KALRN: variants seen among roughly 807,000 people sequenced by gnomAD.
KALRN encodes the protein kalirin RhoGEF kinase.
A neutral mutation model predicts 353.7 loss-of-function variants in KALRN; 70 were observed. That is an observed-to-expected ratio of 0.20 (90% CI 0.16 to 0.24). KALRN has a LOEUF of 0.24. Among genes scored for constraint, KALRN ranks in the 10% least tolerant of loss-of-function variants. KALRN has a pLI of 1.00. For synonymous variants in KALRN, 1,391 were observed against 1,434.8 expected, an observed-to-expected ratio of 0.97 and a Z score of 0.69; for missense variants, 2,791 against 3,756.7, an observed-to-expected ratio of 0.74 and a Z score of 6.72.
chr3:124,716,221 A>G (rs1372280332), intron 58 of KALRN, among the ~76,000 whole-genome samples: 1 of 152,180 alleles, frequency 6.6e-6, no homozygotes, highest in African/African-American at 2.4e-5. Context: ...CAGAAGGCAA[A>G]GGATTCAAAA....
chr3:124,404,649 T>A, intron 13 of KALRN, among the ~76,000 whole-genome samples: 1 of 138,270 alleles, frequency 7.2e-6, no homozygotes. Context: ...TCAAATTTAG[T>A]CTTTTTCTTT....
At chr3:124,522,221 T>C (rs987403594) in intron 33 of KALRN, among the ~76,000 whole-genome samples, 3 of 151,932 alleles carry the variant, frequency 2.0e-5, no homozygotes, top group Non-Finnish European at 4.4e-5. Flanking sequence ...ATATAATTTA[T>C]ATAATACAGA....
chr3:124,109,033 TC>T (rs2062588637), intron 1 of KALRN, among the ~76,000 whole-genome samples: 1 of 152,194 alleles, frequency 6.6e-6, no homozygotes, highest in Non-Finnish European at 1.5e-5. Context: ...CTTCTCCTTC[TC>T]CTGCTTCTCT....
chr3:124,451,224 A>T (rs905732032), intron 21 of KALRN, among the ~76,000 whole-genome samples: 3 of 152,096 alleles, frequency 2.0e-5, no homozygotes, highest in African/African-American at 7.2e-5. Context: ...CACTGATTAG[A>T]GGAAGATCAT....
At chr3:124,545,742 G>T (rs1432490046) in intron 33 of KALRN, among the ~76,000 whole-genome samples, 2 of 152,194 alleles carry the variant, frequency 1.3e-5, no homozygotes, top group Non-Finnish European at 2.9e-5. Context: ...ATTAAGGAAG[G>T]TATGGGATGC....
chr3:124,219,186 A>T (rs2077634327), intron 1 of KALRN, among the ~76,000 whole-genome samples: 1 of 152,352 alleles, frequency 6.6e-6, no homozygotes, highest in South Asian at 2.1e-4. Context: ...CACTAAAGTC[A>T]TTGAGAGAAG....
At chr3:124,371,059 C>G (rs181623798) in intron 10 of KALRN, among the ~76,000 whole-genome samples, 13 of 152,324 alleles carry the variant, frequency 8.5e-5, no homozygotes, top group Middle Eastern at 6.8e-3. Flanking sequence ...TCCACCCAAG[C>G]TTCACCATAA....
At chr3:124,449,802 A>G (rs1307413889) in intron 21 of KALRN, among the ~76,000 whole-genome samples, 2 of 152,202 alleles carry the variant, frequency 1.3e-5, no homozygotes, top group Non-Finnish European at 2.9e-5. Flanking sequence ...ACAATATGAG[A>G]TCTTCTGTGA....
chr3:124,612,765 T>C (rs1258563168), intron 34 of KALRN, among the ~76,000 whole-genome samples: 1 of 152,220 alleles, frequency 6.6e-6, no homozygotes, highest in Non-Finnish European at 1.5e-5. Context: ...ACTTTGTCTG[T>C]CTCCTACACT....
chr3:124,250,694 G>A (rs773873263), intron 3 of KALRN, among the ~76,000 whole-genome samples: 1 of 152,220 alleles, frequency 6.6e-6, no homozygotes, highest in Non-Finnish European at 1.5e-5. Flanking sequence ...AAGAAGGAGA[G>A]GGTAGAGAAG....
intron 25 of KALRN, among the ~76,000 whole-genome samples, chr3:124,474,450 ATAT>A (rs1230724208): frequency 6.6e-6 from 1 of 152,000 alleles, no homozygotes; most frequent in Non-Finnish European, 1.5e-5. Context: ...GAGAGAAAGA[ATAT>A]TATTTTAAGT....
At chr3:124,238,242 A>AAC (rs1403736603) in intron 3 of KALRN, among the ~76,000 whole-genome samples, 1 of 152,152 alleles carries the variant, frequency 6.6e-6, no homozygotes, top group African/African-American at 2.4e-5. Flanking sequence ...GAAGAAAAAA[A>AAC]AACAACAAAA....
intron 9 of KALRN, among the ~76,000 whole-genome samples, chr3:124,342,056 A>G (rs1202314799): frequency 6.6e-6 from 1 of 152,138 alleles, no homozygotes; most frequent in Non-Finnish European, 1.5e-5. Flanking sequence ...TAGGGGACTT[A>G]GTGTCAAGGT....
intron 34 of KALRN, among the ~76,000 whole-genome samples, chr3:124,588,125 A>G (rs2713657): frequency 0.15 from 23,296 of 152,170 alleles, 4,194 homozygotes; most frequent in East Asian, 0.43. Context: ...GATATCGGGT[A>G]AGAAGGAAGA....
rs1418479834 is a variant in KALRN at position 124,277,016 on chromosome 3, C to G, written c.969+7761C>G. 3.3e-5 allele frequency among the ~76,000 whole-genome samples: 5 copies of G among 152,242 alleles called. No homozygotes were observed. The East Asian group carries it at 9.6e-4, about 29-fold the overall frequency. On this transcript the variant is annotated intron_variant, in intron 5 of 59. Coordinates refer to ENST00000682506, the MANE Select transcript of KALRN (RefSeq NM_001388419.1). ...ACTCTCTACACCCTCTCTTTGGAGG[C>G]TCCTTGCCGTGCAGGACAGATGGTG...
In KALRN at chr3:124,490,900, G is replaced by A; in HGVS notation, c.4587+16G>A. On this transcript the variant is annotated intron_variant, in intron 30 of 59. Coordinates refer to ENST00000682506, the MANE Select transcript of KALRN (RefSeq NM_001388419.1). The stretch of plus-strand genomic sequence containing the variant: ...CAAGCTACTGGTAGGTGGGGCAGGT[G>A]GGGTAAGACAAGACTCCCTGCTTTC... 2 of 1,599,178 alleles carry A rather than the reference G, an allele frequency of 1.3e-6. No homozygotes were observed. Among genetic ancestry groups the A allele is most frequent in the South Asian group, 1.1e-5 (1 of 89,892 alleles).
chr3:124,580,528 C>T (rs980000631), intron 34 of KALRN, among the ~76,000 whole-genome samples: 23 of 152,298 alleles, frequency 1.5e-4, no homozygotes, highest in African/African-American at 4.6e-4. Flanking sequence ...TCTAAATTGT[C>T]TTGAGAATAT....
At chr3:124,597,051 A>C (rs2076338157) in intron 34 of KALRN, among the ~76,000 whole-genome samples, 1 of 142,296 alleles carries the variant, frequency 7.0e-6, no homozygotes. Flanking sequence ...CTGTCTTAAA[A>C]AAAAACAAAA....
intron 2 of KALRN, among the ~76,000 whole-genome samples, chr3:124,234,244 C>G (rs575859183): frequency 2.2e-4 from 34 of 152,172 alleles, no homozygotes; most frequent in Non-Finnish European, 4.6e-4. Flanking sequence ...GGTGGCACCT[C>G]AGGCAGACAG....
Sources: allele counts gnomAD v4.1 joint callset (sites outside exome capture counted in the v4.1 genomes callset), GRCh38; gene constraint gnomAD v4.1.1; transcripts MANE v1.5; gene names NCBI Gene and HGNC (gene_info 2026-07-23, HGNC 2026-07-21).